EXOC4: variants seen among roughly 807,000 people sequenced by gnomAD.
EXOC4 encodes the protein exocyst complex component 4, also known as SEC8-like 1.
Under a neutral mutation model 107.2 loss-of-function variants are expected in EXOC4, and 71 were observed. That is an observed-to-expected ratio of 0.66 (90% CI 0.55 to 0.81). EXOC4 has a LOEUF of 0.81. Ranked by LOEUF, EXOC4 falls within the 30% of genes least tolerant of loss-of-function variation. The probability of loss-of-function intolerance (pLI) is 0.00; values close to 1 mark genes in which losing one functional copy is unlikely to be tolerated. For synonymous variants in EXOC4, 456 were observed against 441.2 expected, an observed-to-expected ratio of 1.03 and a Z score of -0.42; for missense variants, 1,108 against 1,189.6, an observed-to-expected ratio of 0.93 and a Z score of 1.01.
intron 14 of EXOC4, among the ~76,000 whole-genome samples, chr7:133,965,102 C>T (rs1801032346): frequency 6.6e-6 from 1 of 152,032 alleles, no homozygotes; most frequent in Admixed American, 6.6e-5. Context: ...TTTTTTTCAT[C>T]TGTTTGTTGG....
At chr7:133,852,840 C>T (rs1442071708) in intron 11 of EXOC4, among the ~76,000 whole-genome samples, 1 of 152,128 alleles carries the variant, frequency 6.6e-6, no homozygotes, top group African/African-American at 2.4e-5. Flanking sequence ...CATTTGCTGC[C>T]ACTTAAAATC....
chr7:133,742,806 TCC>T (rs1305900408), intron 10 of EXOC4, among the ~76,000 whole-genome samples: 2 of 152,122 alleles, frequency 1.3e-5, no homozygotes, highest in African/African-American at 4.8e-5. Context: ...GGGTTGTGCA[TCC>T]CCCTGGAGTT....
chr7:133,930,548 C>T (rs1800153163), intron 13 of EXOC4: 1 of 151,986 alleles, frequency 6.6e-6, no homozygotes, highest in East Asian at 1.9e-4. Flanking sequence ...ATTGTCTTTA[C>T]CCACTGATAC....
chr7:133,629,762 C>T (rs954944663), intron 9 of EXOC4, among the ~76,000 whole-genome samples: 2 of 151,292 alleles, frequency 1.3e-5, no homozygotes, highest in African/African-American at 2.4e-5. Context: ...AGGCTGGTCT[C>T]GAACTGCTGG....
chr7:133,714,226 A>T (rs141406448), intron 10 of EXOC4, among the ~76,000 whole-genome samples: 210 of 152,334 alleles, frequency 1.4e-3, no homozygotes, highest in African/African-American at 4.9e-3. Context: ...AGTGACAGAC[A>T]GCTGGAGCCA....
intron 5 of EXOC4, among the ~76,000 whole-genome samples, chr7:133,337,084 T>C (rs1041040842): frequency 6.6e-6 from 1 of 152,200 alleles, no homozygotes; most frequent in African/African-American, 2.4e-5. Flanking sequence ...TTTCTTAGTA[T>C]TTAGACAATT....
intron 11 of EXOC4, among the ~76,000 whole-genome samples, chr7:133,819,384 A>C (rs965840418): frequency 6.6e-6 from 1 of 151,510 alleles, no homozygotes; most frequent in Non-Finnish European, 1.5e-5. Context: ...TTATTAATTA[A>C]TTTTGCTAAC....
intron 17 of EXOC4, among the ~76,000 whole-genome samples, chr7:134,033,871 C>T (rs549412819): frequency 1.3e-5 from 2 of 152,160 alleles, no homozygotes; most frequent in Non-Finnish European, 2.9e-5. Flanking sequence ...CATTCTTTCT[C>T]AGCTCCAAGG....
intron 11 of EXOC4, among the ~76,000 whole-genome samples, chr7:133,832,064 A>G (rs560643355): frequency 6.6e-6 from 1 of 152,332 alleles, no homozygotes; most frequent in South Asian, 2.1e-4. Context: ...ATTACAGTAT[A>G]TACGTATAGC....
intron 10 of EXOC4, among the ~76,000 whole-genome samples, chr7:133,639,578 A>G (rs1365516102): frequency 6.6e-6 from 1 of 152,118 alleles, no homozygotes. Flanking sequence ...ATTCAGCAAG[A>G]TAAGTGAGAA....
chr7:133,312,831 A>T (rs1049892109), intron 4 of EXOC4, among the ~76,000 whole-genome samples: 1 of 151,390 alleles, frequency 6.6e-6, no homozygotes, highest in Non-Finnish European at 1.5e-5. Flanking sequence ...ATGTGAATGG[A>T]TTATTTTTTT....
At chr7:133,495,853 G>C (rs375158883) in intron 9 of EXOC4, among the ~76,000 whole-genome samples, 1 of 152,088 alleles carries the variant, frequency 6.6e-6, no homozygotes, top group Non-Finnish European at 1.5e-5. Context: ...TCATAACATA[G>C]GCATGTGTTT....
chr7:133,304,782 T>C (rs1369211800), intron 3 of EXOC4, among the ~76,000 whole-genome samples: 1 of 152,206 alleles, frequency 6.6e-6, no homozygotes, highest in African/African-American at 2.4e-5. Flanking sequence ...CATAATTACA[T>C]TTAAGGGTTT....
intron 7 of EXOC4, among the ~76,000 whole-genome samples, chr7:133,453,574 G>T (rs1021985247): frequency 6.6e-6 from 1 of 152,004 alleles, no homozygotes; most frequent in African/African-American, 2.4e-5. Context: ...AGTATCCAGA[G>T]AATCTCCTTA....
At chr7:133,693,096 C>T (rs901699490) in intron 10 of EXOC4, among the ~76,000 whole-genome samples, 1 of 152,096 alleles carries the variant, frequency 6.6e-6, no homozygotes, top group Non-Finnish European at 1.5e-5. Context: ...CTGAGTCACA[C>T]GATCATAAAG....
intron 9 of EXOC4, among the ~76,000 whole-genome samples, chr7:133,546,231 C>T (rs958221153): frequency 1.4e-5 from 2 of 147,676 alleles, no homozygotes; most frequent in Non-Finnish European, 3.0e-5. Flanking sequence ...AAAATTTCAC[C>T]CTTTTTATAA....
chr7:133,504,458 A>T (rs1799631841), intron 9 of EXOC4, among the ~76,000 whole-genome samples: 1 of 152,126 alleles, frequency 6.6e-6, no homozygotes, highest in Admixed American at 6.6e-5. Flanking sequence ...GATTTGCTTT[A>T]AGAGGCTCGC....
intron 10 of EXOC4, among the ~76,000 whole-genome samples, chr7:133,699,363 G>A (rs544516294): frequency 7.9e-5 from 12 of 152,204 alleles, no homozygotes; most frequent in African/African-American, 2.9e-4. Context: ...GCAACAGAAA[G>A]ACCAACTCGC....
chr7:133,895,868 A>G (rs1457893188), intron 12 of EXOC4, 133 bp downstream of exon 12: 1 of 928,492 alleles, frequency 1.1e-6, no homozygotes, highest in Non-Finnish European at 1.6e-6. Context: ...AACATGCATC[A>G]TGGAAATAGC....
Sources: gnomAD v4.1 joint callset for allele counts (sites outside exome capture counted in the v4.1 genomes callset) on GRCh38, gnomAD v4.1.1 for gene constraint, MANE v1.5 for transcripts, NCBI Gene and HGNC (gene_info 2026-07-23, HGNC 2026-07-21) for gene names.